The following SBNO1 variants were observed in gnomAD, a reference collection of about 807,000 sequenced individuals.
SBNO1 encodes the protein strawberry notch homolog 1.
A neutral mutation model predicts 173.6 loss-of-function variants in SBNO1; 23 were observed. The observed-to-expected ratio is 0.13, with a 90% CI of 0.10 to 0.19. SBNO1 has a LOEUF of 0.19. Among genes scored for constraint, SBNO1 ranks in the 10% least tolerant of loss-of-function variants. The pLI is 1.00. For synonymous variants in SBNO1, 632 were observed against 571.5 expected (o/e 1.11, Z -1.51); for missense variants, 1,238 against 1,671.2 (o/e 0.74, Z 4.52).
intron 31 of SBNO1, among the ~76,000 whole-genome samples, chr12:123,296,850 T>C (rs1266605916): frequency 5.3e-5 from 8 of 150,468 alleles, no homozygotes; most frequent in African/African-American, 7.3e-5. Flanking sequence ...TGAGCCACCG[T>C]GCCCGGCCCT....
rs2049005408 is a variant in SBNO1 at position 123,309,598 on chromosome 12, AG to A, written c.3443-16del. On this transcript the variant is annotated splice_polypyrimidine_tract_variant and intron_variant, in intron 26 of 31. Transcript: ENST00000602398. Reference sequence around the variant, plus strand: ...AGAACCAAGATCTTGAACAAGAAAAAGAAACATGTAAATGTAAAAAGAACAT... The same window carrying A: ...AGAACCAAGATCTTGAACAAGAAAAAAAACATGTAAATGTAAAAAGAACAT... 6.2e-7 allele frequency: 1 copy of A among 1,609,108 alleles called. No individual in the cohort carries two copies. The highest frequency in any genetic ancestry group is 8.5e-7 in the Non-Finnish European group (1 of 1,175,828).
intron 1 of SBNO1, among the ~76,000 whole-genome samples, chr12:123,351,436 G>C (rs1873868577): frequency 6.6e-6 from 1 of 152,186 alleles, no homozygotes; most frequent in Admixed American, 6.6e-5. Context: ...AGCAGTTCAA[G>C]ACCTGCCTAG....
intron 13 of SBNO1, 151 bp from the exon 14 acceptor site, chr12:123,326,485 TACTC>T (rs763649305): frequency 1.9e-4 from 90 of 465,340 alleles, no homozygotes; most frequent in Admixed American, 4.1e-4. Context: ...TTTCTCAGGA[TACTC>T]ACACAGTTGT....
intron 23 of SBNO1, 79 bp downstream of exon 23, chr12:123,315,294 T>C: frequency 8.9e-7 from 1 of 1,119,060 alleles, no homozygotes; most frequent in Non-Finnish European, 1.3e-6. Context: ...TTTTAGACAG[T>C]AACTACTTTC....
In SBNO1 at chr12:123,289,476, C is replaced by CTTT. The variant is rs1471545434; in HGVS notation, c.*6431_*6432insAAA. 2.0e-5 allele frequency: 3 copies of CTTT among 152,268 alleles called. No individual in the cohort carries two copies. Among genetic ancestry groups the CTTT allele is most frequent in the African/African-American group, 7.2e-5 (3 of 41,466 alleles). 9.4% of individuals were successfully genotyped at this position (152,268 alleles called of 1,614,324 possible). ...TTTAAAAAAGAGAACCAAATGAAAACACACCAAGAGCTGACATCCACCTTT... is the reference window on the plus strand; with the variant it reads ...TTTAAAAAAGAGAACCAAATGAAAACTTTACACCAAGAGCTGACATCCACCTTT... On this transcript the variant is annotated 3_prime_UTR_variant, in exon 32 of 32. Coordinates refer to ENST00000602398, the MANE Select transcript of SBNO1 (RefSeq NM_001167856.3).
chr12:123,364,762 G>C lies in SBNO1; in HGVS notation c.-62C>G. Reference sequence around the variant, plus strand: ...CGGGAGGTGTGAGTTTGAAGGACCAGAGGCGACTGGAGCGGAGGCGGCGGT... The same window carrying C: ...CGGGAGGTGTGAGTTTGAAGGACCACAGGCGACTGGAGCGGAGGCGGCGGT... On this transcript the variant is annotated 5_prime_UTR_variant, in exon 1 of 32. Transcript: ENST00000602398. 1 of 989,328 alleles carries C rather than the reference G, an allele frequency of 1.0e-6. No homozygotes were observed. The allele number at this position is 989,328 out of a possible 1,614,324, so 61.3% of individuals were successfully genotyped here.
chr12:123,303,048 AT>A, intron 29 of SBNO1, 148 bp from the exon 30 acceptor site: 1 of 620,718 alleles, frequency 1.6e-6, no homozygotes, highest in Admixed American at 3.0e-5. Flanking sequence ...TCTGAACGCC[AT>A]TTGAAAAGCT....
At position 123,311,043 on chromosome 12, in the gene SBNO1, T is replaced by A; in HGVS notation, c.3295+12A>T. ...CAACAGTTATATGCCCACACAAAGC[T>A]AATAGTAGTACCTTTATCGAGAGTA... On this transcript the variant is annotated intron_variant, in intron 25 of 31. Coordinates refer to ENST00000602398, the MANE Select transcript of SBNO1 (RefSeq NM_001167856.3). 1 of 1,587,030 alleles carries A rather than the reference T, an allele frequency of 6.3e-7. No individual in the cohort carries two copies. The highest frequency in any genetic ancestry group is 8.7e-7 in the Non-Finnish European group (1 of 1,155,580).
At position 123,320,295 on chromosome 12, in the gene SBNO1, T is replaced by C. The variant is rs957798127; in HGVS notation, c.2667+137A>G. On this transcript the variant is annotated intron_variant, in intron 19 of 31. Transcript: ENST00000602398. Reference sequence around the variant, plus strand: ...ACTGCAGGCAGCAGTTCATTGGATGTAGGATGGCAACTAAAGTAGAACAAG... The same window carrying C: ...ACTGCAGGCAGCAGTTCATTGGATGCAGGATGGCAACTAAAGTAGAACAAG... 14 of 888,112 alleles carry C rather than the reference T, an allele frequency of 1.6e-5. No homozygotes were observed. The East Asian group carries it at 2.0e-4, about 13-fold the overall frequency. 55.0% of individuals were successfully genotyped at this position (888,112 alleles called of 1,614,324 possible). A position where few individuals can be genotyped will look rare whatever the true frequency, so the allele number is the denominator to read the frequency against.
intron 25 of SBNO1, among the ~76,000 whole-genome samples, chr12:123,310,763 G>A (rs1868390075): frequency 6.6e-6 from 1 of 151,588 alleles, no homozygotes; most frequent in Non-Finnish European, 1.5e-5. Flanking sequence ...GCAAACTCCT[G>A]ACCTTGTGAT....
At chr12:123,321,508 C>T (rs377604941) in intron 17 of SBNO1, 27 bp downstream of exon 17, 93 of 1,453,362 alleles carry the variant, frequency 6.4e-5, no homozygotes, top group African/African-American at 3.1e-4. Context: ...TATATGCTTT[C>T]GTGTATATTT....
At chr12:123,303,025 G>A (rs2048833868) in intron 29 of SBNO1, 125 bp from the exon 30 acceptor site, 1 of 682,140 alleles carries the variant, frequency 1.5e-6, no homozygotes, top group African/African-American at 1.8e-5. Flanking sequence ...CCTAACCCTT[G>A]CTATTAACTG....
Position 123,327,793 on chromosome 12 carries a change from G to A in SBNO1, c.1452C>T (p.Asn484=), listed in dbSNP as rs374457256. The A allele has an allele frequency of 6.2e-7, 1 of 1,613,836 alleles. No homozygotes were observed. Among genetic ancestry groups the A allele is most frequent in the Non-Finnish European group, 8.5e-7 (1 of 1,179,874 alleles). ...TGCCAAGACGGTTCATATAGGCCAT[G>A]TTGCGTGGTTCAGAAGCACCTGAAA... ...ASATGASEPR[N]MAYMNRLGIW... Residue 484 remains asparagine, a synonymous_variant, in exon 12 of 32, where the codon AAC becomes AAT. Transcript: ENST00000602398.
rs1263246958 is a variant in SBNO1 at position 123,345,553 on chromosome 12, A to C, written c.255T>G (p.Thr85=). 6.2e-7 allele frequency: 1 copy of C among 1,613,628 alleles called. No individual in the cohort carries two copies. The highest frequency in any genetic ancestry group is 1.7e-5 in the Admixed American group (1 of 59,996). Reference sequence around the variant, plus strand: ...TTATTTGATTCAGCACAAATGTTGTAGTAGATGGAGGCTGCTGCTAGATAG... The same window carrying C: ...TTATTTGATTCAGCACAAATGTTGTCGTAGATGGAGGCTGCTGCTAGATAG... ...LLNVRQQPPS[T]TTFVLNQINH... is the part of the protein sequence containing the mutation. Residue 85 remains threonine (T), a synonymous_variant, in exon 4 of 32, where the codon ACT becomes ACG. Coordinates refer to ENST00000602398, the MANE Select transcript of SBNO1 (RefSeq NM_001167856.3).
At chr12:123,352,893 G>GT (rs1370694711) in intron 1 of SBNO1, among the ~76,000 whole-genome samples, 1 of 152,132 alleles carries the variant, frequency 6.6e-6, no homozygotes, top group East Asian at 1.9e-4. Context: ...CGCCTTCCAG[G>GT]TTCAAGAAAT....
chr12:123,329,579 A>C (rs1019953762), intron 9 of SBNO1, among the ~76,000 whole-genome samples: 2 of 151,776 alleles, frequency 1.3e-5, no homozygotes, highest in South Asian at 2.1e-4. Flanking sequence ...TGCCTTTCTA[A>C]TACTACTCTG....
chr12:123,321,578 ATCG>A lies in SBNO1; in HGVS notation c.2277_2279del (p.Asp760del), dbSNP rs759760975. 1.2e-6 allele frequency: 2 copies of A among 1,613,950 alleles called. No homozygotes were observed. The highest frequency in any genetic ancestry group is 1.7e-5 in the Admixed American group (1 of 60,016). ...TAGACTCATCTAAAAATGGGTTGAAATCGTCATCATCTCCAGAACTCATGTTTT... is the reference window on the plus strand; with the variant it reads ...TAGACTCATCTAAAAATGGGTTGAAATCATCATCTCCAGAACTCATGTTTT... On this transcript the variant is annotated inframe_deletion, in exon 17 of 32. Transcript: ENST00000602398.
intron 1 of SBNO1, 99 bp downstream of exon 1, chr12:123,364,601 TC>T (rs1389116067): frequency 1.0e-6 from 1 of 977,162 alleles, no homozygotes; most frequent in Non-Finnish European, 1.2e-6. Context: ...GAGGTGGCTG[TC>T]CCCCCAGCCT....
chr12:123,314,612 C>A (rs529349679), intron 23 of SBNO1, among the ~76,000 whole-genome samples: 108 of 151,736 alleles, frequency 7.1e-4, no homozygotes, highest in Middle Eastern at 3.4e-3. Flanking sequence ...CAGGCGTGAG[C>A]CACTGTGCCC....
Sources: allele counts gnomAD v4.1 joint callset (sites outside exome capture counted in the v4.1 genomes callset), GRCh38; gene constraint gnomAD v4.1.1; transcripts MANE v1.5; gene names NCBI Gene and HGNC (gene_info 2026-07-23, HGNC 2026-07-21).